The following TSGA10 variants were observed in gnomAD, a reference collection of about 807,000 sequenced individuals.
TSGA10 encodes the protein testis-specific gene 10 protein.
Under a neutral mutation model 96.6 loss-of-function variants are expected in TSGA10, and 43 were observed. The ratio of observed to expected loss-of-function variants is 0.44; its 90% CI spans 0.35 to 0.57. The LOEUF is 0.57. Among genes scored for constraint, TSGA10 ranks in the 20% least tolerant of loss-of-function variants. The pLI is 0.01. For missense variants in TSGA10, 703 were observed against 834.4 expected, an observed-to-expected ratio of 0.84 and a Z score of 1.94; for synonymous variants, 229 against 269.9, an observed-to-expected ratio of 0.85 and a Z score of 1.48.
At position 99,079,629 on chromosome 2, in the gene TSGA10, A is replaced by G. The variant is rs548218889; in HGVS notation, c.728-816T>C. On this transcript the variant is annotated intron_variant, in intron 11 of 20. Transcript: ENST00000393483. ...GGAGTTTACCTACTCTAGGTATTAGATTTACCTACAGAAACTGTTAGAGAC... is the reference window on the plus strand; with the variant it reads ...GGAGTTTACCTACTCTAGGTATTAGGTTTACCTACAGAAACTGTTAGAGAC... Among the ~76,000 whole-genome samples the G allele has an allele frequency of 1.8e-4, 28 of 152,294 alleles. No homozygotes were observed. In the East Asian group the frequency reaches 5.4e-3, roughly 29 times the overall value.
chr2:99,035,198 A>G, intron 17 of TSGA10, 32 bp downstream of exon 17: 1 of 1,480,356 alleles, frequency 6.8e-7, no homozygotes, highest in Non-Finnish European at 9.2e-7. Flanking sequence ...CAGTAATAGC[A>G]ATTTTAAAGA....
chr2:99,044,932 T>G (rs988519425), intron 16 of TSGA10, among the ~76,000 whole-genome samples: 1 of 152,094 alleles, frequency 6.6e-6, no homozygotes, highest in African/African-American at 2.4e-5. Flanking sequence ...GAATGACTAC[T>G]GGGTACATAA....
intron 10 of TSGA10, among the ~76,000 whole-genome samples, chr2:99,085,814 G>A (rs1574187151): frequency 6.6e-6 from 1 of 151,926 alleles, no homozygotes; most frequent in East Asian, 1.9e-4. Context: ...AAATGAATTA[G>A]CACACTGACA....
At chr2:99,031,223 A>G (rs2081097975) in intron 17 of TSGA10, among the ~76,000 whole-genome samples, 2 of 150,676 alleles carry the variant, frequency 1.3e-5, no homozygotes, top group Non-Finnish European at 1.5e-5. Context: ...TACAAAATCA[A>G]TTCAATGGCA....
At chr2:99,046,081 T>C (rs1040233421) in intron 16 of TSGA10, among the ~76,000 whole-genome samples, 8 of 151,660 alleles carry the variant, frequency 5.3e-5, no homozygotes, top group Non-Finnish European at 1.0e-4. Context: ...AGCAAGTCCT[T>C]AGAGATCTAC....
rs933877931 is a variant in TSGA10 at position 99,122,161 on chromosome 2, T to G, written c.-491-3475A>C. 2.0e-4 allele frequency among the ~76,000 whole-genome samples: 31 copies of G among 152,370 alleles called. 1 individual carries two copies. The highest frequency in any genetic ancestry group is 7.5e-4 in the African/African-American group (31 of 41,598). On this transcript the variant is annotated intron_variant, in intron 2 of 20. Coordinates refer to ENST00000393483, the MANE Select transcript of TSGA10 (RefSeq NM_025244.4). ...TCACCAATATCACAGTCTTGATTAC[T>G]GTAGTTATAAGTGTTGAAATCATGA...
intron 16 of TSGA10, among the ~76,000 whole-genome samples, chr2:99,051,883 G>C (rs931411261): frequency 6.6e-6 from 1 of 151,666 alleles, no homozygotes. Flanking sequence ...AATAACCAAT[G>C]GGACAAAGAA....
chr2:99,102,272 G>T, intron 10 of TSGA10: 1 of 1,612,424 alleles, frequency 6.2e-7, no homozygotes, highest in East Asian at 2.2e-5. Context: ...TGGTGATGAA[G>T]AAAGGAGATG....
intron 17 of TSGA10, among the ~76,000 whole-genome samples, chr2:99,021,442 T>C (rs1360719963): frequency 6.6e-6 from 1 of 151,998 alleles, no homozygotes; most frequent in East Asian, 1.9e-4. Context: ...TGATGAGAAA[T>C]ATGAGCTAAA....
At chr2:99,104,698 C>T (rs2091155016) in intron 9 of TSGA10, among the ~76,000 whole-genome samples, 4 of 152,156 alleles carry the variant, frequency 2.6e-5, no homozygotes, top group Admixed American at 1.3e-4. Flanking sequence ...TGGTCTCAAA[C>T]TCCTGACCTT....
Position 99,092,339 on chromosome 2 carries a change from G to C in TSGA10, c.612-10942C>G, listed in dbSNP as rs186041896. 8.4e-4 allele frequency among the ~76,000 whole-genome samples: 127 copies of C among 152,074 alleles called. 1 individual carries two copies. The East Asian group carries it at 8.9e-3, about 11-fold the overall frequency. On this transcript the variant is annotated intron_variant, in intron 10 of 20. Transcript: ENST00000393483. ...TGCCTACATCAAAAAGTCTGAAAGA[G>C]CACAAACAGACAATCTAAGGTCACA...
chr2:99,075,582 G>A (rs2086610913), intron 12 of TSGA10, among the ~76,000 whole-genome samples: 1 of 152,048 alleles, frequency 6.6e-6, no homozygotes, highest in Non-Finnish European at 1.5e-5. Flanking sequence ...TCACTGAGTA[G>A]CCTTTGTTAG....
In TSGA10 at chr2:99,108,816, G is replaced by T. The variant is rs1402776183; in HGVS notation, c.210+17C>A. 1.3e-6 allele frequency: 2 copies of T among 1,512,500 alleles called. No homozygotes were observed. Among genetic ancestry groups the T allele is most frequent in the East Asian group, 4.7e-5 (2 of 42,914 alleles). 93.7% of individuals were successfully genotyped at this position (1,512,500 alleles called of 1,614,324 possible). On this transcript the variant is annotated intron_variant, in intron 7 of 20. Coordinates refer to ENST00000393483, the MANE Select transcript of TSGA10 (RefSeq NM_025244.4). ...CTCAATGTTATTACTTATATAATTT[G>T]TTTTTTGTAAGTTTACCTGTTCATA...
intron 4 of TSGA10, among the ~76,000 whole-genome samples, chr2:99,113,969 T>C (rs903044882): frequency 6.6e-6 from 1 of 152,204 alleles, no homozygotes; most frequent in Non-Finnish European, 1.5e-5. Flanking sequence ...CATTAAGGTT[T>C]CAAAGTAATT....
chr2:99,087,852 TAGAACTGAAC>T (rs2088750887), intron 10 of TSGA10, among the ~76,000 whole-genome samples: 1 of 151,738 alleles, frequency 6.6e-6, no homozygotes, highest in Admixed American at 6.6e-5. Flanking sequence ...AAATGAGCAA[TAGAACTGAAC>T]AGACACTTAA....
intron 1 of TSGA10, among the ~76,000 whole-genome samples, chr2:99,149,293 A>G (rs868496446): frequency 1.3e-5 from 2 of 151,958 alleles, no homozygotes; most frequent in African/African-American, 4.8e-5. Context: ...GGCTTTCTCA[A>G]ACCTTTTCTG....
intron 20 of TSGA10, among the ~76,000 whole-genome samples, chr2:99,000,962 G>C (rs1288014618): frequency 6.6e-6 from 1 of 152,198 alleles, no homozygotes; most frequent in African/African-American, 2.4e-5. Flanking sequence ...GGTAAACAAG[G>C]CAGCCTGGAA....
chr2:99,017,562 G>A (rs1450627999), intron 20 of TSGA10, among the ~76,000 whole-genome samples: 2 of 151,852 alleles, frequency 1.3e-5, no homozygotes, highest in South Asian at 2.1e-4. Context: ...TCAGGAGATC[G>A]AGACCATCCC....
At position 99,154,774 on chromosome 2, in the gene TSGA10, T is replaced by G. The variant is rs1288120951; in HGVS notation, c.-702A>C. On this transcript the variant is annotated 5_prime_UTR_variant, in exon 1 of 21. Coordinates refer to ENST00000393483, the MANE Select transcript of TSGA10 (RefSeq NM_025244.4). ...ACTGGGGCCTTATGACCTTCGGTAC[T>G]TTTATTCGAACGTAGCCTGCGTCCC... 6.3e-6 allele frequency: 2 copies of G among 315,644 alleles called. No homozygotes were observed. The highest frequency in any genetic ancestry group is 1.3e-5 in the Non-Finnish European group (2 of 159,510). 19.6% of individuals were successfully genotyped at this position (315,644 alleles called of 1,614,324 possible).
Sources: gnomAD v4.1 joint callset for allele counts (sites outside exome capture counted in the v4.1 genomes callset) on GRCh38, gnomAD v4.1.1 for gene constraint, MANE v1.5 for transcripts, NCBI Gene and HGNC (gene_info 2026-07-23, HGNC 2026-07-21) for gene names.